The following NRXN3 variants were observed in gnomAD, a reference collection of about 807,000 sequenced individuals.
The protein encoded by NRXN3 is neurexin III.
A neutral mutation model predicts 137.6 loss-of-function variants in NRXN3; 32 were observed. That is an observed-to-expected ratio of 0.23 (90% CI 0.18 to 0.31). The LOEUF (loss-of-function observed/expected upper bound fraction) is 0.31, where lower values mean the gene tolerates loss of function less well. NRXN3 is among the 10% of genes least tolerant of loss of function. NRXN3 has a pLI of 1.00. For missense variants in NRXN3, 1,574 were observed against 2,062.5 expected (o/e 0.76, Z 4.59); for synonymous variants, 798 against 784.5 (o/e 1.02, Z -0.29).
intron 15 of NRXN3, among the ~76,000 whole-genome samples, chr14:79,117,796 A>C (rs1273671357): frequency 6.6e-6 from 1 of 152,240 alleles, no homozygotes; most frequent in East Asian, 1.9e-4. Flanking sequence ...ACCACCTTTC[A>C]AGGTGAGCCC....
At chr14:79,704,160 G>C (rs1053925297) in intron 19 of NRXN3, among the ~76,000 whole-genome samples, 1 of 152,128 alleles carries the variant, frequency 6.6e-6, no homozygotes, top group African/African-American at 2.4e-5. Flanking sequence ...ATTCTATTAG[G>C]TTGAAGTGTA....
At chr14:79,572,721 A>G (rs2097619684) in intron 16 of NRXN3, 1 of 152,234 alleles carries the variant, frequency 6.6e-6, no homozygotes, top group Non-Finnish European at 1.5e-5. Context: ...CCATTCTAGA[A>G]AGAAGACATG....
chr14:79,142,298 C>T (rs1022072780), intron 15 of NRXN3, among the ~76,000 whole-genome samples: 3 of 151,958 alleles, frequency 2.0e-5, no homozygotes, highest in African/African-American at 7.3e-5. Context: ...TGGTGGCGGG[C>T]ACCTGTATTC....
chr14:79,696,538 C>CTGTTCTGATA (rs1416977647), intron 18 of NRXN3, among the ~76,000 whole-genome samples: 1 of 151,778 alleles, frequency 6.6e-6, no homozygotes, highest in Non-Finnish European at 1.5e-5. Context: ...TAGCATATTG[C>CTGTTCTGATA]TGTTCTGATA....
intron 11 of NRXN3, among the ~76,000 whole-genome samples, chr14:78,958,344 CT>C (rs1000118652): frequency 6.7e-6 from 1 of 150,216 alleles, no homozygotes; most frequent in East Asian, 2.0e-4. Flanking sequence ...CATGCTATAT[CT>C]TTTTTTTCTT....
intron 15 of NRXN3, among the ~76,000 whole-genome samples, chr14:79,204,339 CT>C (rs938941786): frequency 6.6e-6 from 1 of 151,592 alleles, no homozygotes. Flanking sequence ...CTCCCTCACC[CT>C]CCCTCTTCCA....
intron 16 of NRXN3, among the ~76,000 whole-genome samples, chr14:79,528,772 G>GA (rs1346195493): frequency 3.9e-5 from 6 of 152,004 alleles, no homozygotes; most frequent in Admixed American, 1.3e-4. Context: ...TTTTGTCATG[G>GA]AAAAAATGGA....
chr14:79,125,881 TTTC>T lies in NRXN3; in HGVS notation c.3262+137743_3262+137745del, dbSNP rs542493187. On this transcript the variant is annotated intron_variant, in intron 15 of 20. Coordinates refer to ENST00000335750, the MANE Select transcript of NRXN3 (RefSeq NM_001330195.2). ...GCATGATGTATACTTACTCAGAATT[TTTC>T]TTATTGCCAAATAAATTATTTCATA... is the stretch of plus-strand genomic sequence containing the variant. Among the ~76,000 whole-genome samples the T allele has an allele frequency of 1.2e-4, 18 of 152,272 alleles. No individual in the cohort carries two copies. In the South Asian group the frequency reaches 3.7e-3, roughly 32 times the overall value.
chr14:78,585,520 G>C (rs2097053759), intron 4 of NRXN3, among the ~76,000 whole-genome samples: 1 of 152,158 alleles, frequency 6.6e-6, no homozygotes, highest in Non-Finnish European at 1.5e-5. Context: ...GACAAGGGAG[G>C]GTGGAGGGAG....
intron 1 of NRXN3, among the ~76,000 whole-genome samples, chr14:78,220,268 G>A (rs1390748432): frequency 6.6e-6 from 1 of 152,074 alleles, no homozygotes; most frequent in Non-Finnish European, 1.5e-5. Flanking sequence ...ATCTGGAGAT[G>A]GAGCTCCAGG....
rs115642658 is a variant in NRXN3 at position 78,732,167 on chromosome 14, T to C, written c.2044+17028T>C. Among the ~76,000 whole-genome samples, 720 of 152,330 alleles carry C rather than the reference T, an allele frequency of 4.7e-3. 8 individuals are homozygous for C. Among genetic ancestry groups the C allele is most frequent in the African/African-American group, 0.017 (696 of 41,568 alleles). ...CAAGAAGGAGCATGCAAGTACTCAG[T>C]ACCTCCTTAGACCTAAGTCTGCCTC... On this transcript the variant is annotated intron_variant, in intron 8 of 20. Transcript: ENST00000335750.
intron 15 of NRXN3, among the ~76,000 whole-genome samples, chr14:79,325,375 G>A (rs1014689229): frequency 3.9e-5 from 6 of 152,132 alleles, no homozygotes; most frequent in African/African-American, 1.2e-4. Context: ...GGCCACTCCC[G>A]ATGCTACATC....
chr14:78,933,145 A>T (rs993850233), intron 10 of NRXN3, among the ~76,000 whole-genome samples: 1 of 152,186 alleles, frequency 6.6e-6, no homozygotes, highest in Non-Finnish European at 1.5e-5. Context: ...TCTGCCTCCA[A>T]CACTAGATTG....
At chr14:79,269,635 T>A (rs1226638063) in intron 15 of NRXN3, among the ~76,000 whole-genome samples, 1 of 152,134 alleles carries the variant, frequency 6.6e-6, no homozygotes, top group Non-Finnish European at 1.5e-5. Context: ...GGGTGATTCA[T>A]TTTTATTTAT....
intron 8 of NRXN3, among the ~76,000 whole-genome samples, chr14:78,776,988 C>T (rs2098746752): frequency 6.6e-6 from 1 of 152,144 alleles, no homozygotes; most frequent in African/African-American, 2.4e-5. Context: ...CTTTGAAAAC[C>T]ACTGGTCTAT....
chr14:78,588,792 A>G (rs866172243), intron 4 of NRXN3, among the ~76,000 whole-genome samples: 1 of 152,204 alleles, frequency 6.6e-6, no homozygotes, highest in East Asian at 1.9e-4. Context: ...TGTCCGCCCC[A>G]TATCCAGCTG....
At chr14:79,556,253 T>C (rs2097428526) in intron 16 of NRXN3, among the ~76,000 whole-genome samples, 2 of 152,136 alleles carry the variant, frequency 1.3e-5, no homozygotes, top group African/African-American at 2.4e-5. Flanking sequence ...TGAGTGGTAT[T>C]TTATGTGTAT....
intron 20 of NRXN3, among the ~76,000 whole-genome samples, chr14:79,856,663 C>G (rs111894702): frequency 1.3e-5 from 2 of 150,664 alleles, no homozygotes; most frequent in African/African-American, 4.9e-5. Context: ...TTCACTATCA[C>G]CCACAACATT....
chr14:79,669,987 T>A (rs2098597760), intron 17 of NRXN3, among the ~76,000 whole-genome samples: 1 of 152,088 alleles, frequency 6.6e-6, no homozygotes, highest in African/African-American at 2.4e-5. Context: ...CCGGTACTGT[T>A]CAATGTGGTA....
Sources: allele counts gnomAD v4.1 joint callset (sites outside exome capture counted in the v4.1 genomes callset), GRCh38; gene constraint gnomAD v4.1.1; transcripts MANE v1.5; gene names NCBI Gene and HGNC (gene_info 2026-07-23, HGNC 2026-07-21).